The following SPTLC2 variants were observed in gnomAD, a reference collection of about 807,000 sequenced individuals.
The protein encoded by SPTLC2 is serine palmitoyltransferase long chain base subunit 2, also known as serine palmitoyltransferase 2.
Under a neutral mutation model 62.0 loss-of-function variants are expected in SPTLC2, and 21 were observed. The observed-to-expected ratio is 0.34, with a 90% confidence interval of 0.24 to 0.49. The LOEUF (loss-of-function observed/expected upper bound fraction) is 0.49, where lower values mean the gene tolerates loss of function less well. Ranked by LOEUF, SPTLC2 falls within the 20% of genes least tolerant of loss-of-function variation. The pLI is 0.99. For missense variants in SPTLC2, 511 were observed against 713.0 expected, an observed-to-expected ratio of 0.72 and a Z score of 3.23; for synonymous variants, 261 against 261.8, an observed-to-expected ratio of 1.00 and a Z score of 0.03.
Position 77,570,379 on chromosome 14 carries a change from C to G in SPTLC2, c.756+5G>C. ...GGAGTTTTCATAAATGACAGAGTAT[C>G]TTACTTTGCCAACAAGAGCAGGAAT... On this transcript the variant is annotated splice_donor_5th_base_variant and intron_variant, in intron 5 of 11. Transcript: ENST00000216484. 6.2e-7 allele frequency: 1 copy of G among 1,612,686 alleles called. No individual in the cohort carries two copies. The highest frequency in any genetic ancestry group is 8.5e-7 in the Non-Finnish European group (1 of 1,179,914).
At chr14:77,588,527 CA>C (rs35307713) in intron 2 of SPTLC2, among the ~76,000 whole-genome samples, 63,051 of 130,478 alleles carry the variant, frequency 0.48, 13,572 homozygotes, top group Admixed American at 0.53. Context: ...CCTGTCTCTA[CA>C]AAAAAAAAAA....
intron 9 of SPTLC2, among the ~76,000 whole-genome samples, chr14:77,547,028 C>T (rs753857581): frequency 6.6e-6 from 1 of 152,154 alleles, no homozygotes; most frequent in African/African-American, 2.4e-5. Flanking sequence ...CCACACCCAG[C>T]TAATTTTCAT....
intron 2 of SPTLC2, among the ~76,000 whole-genome samples, chr14:77,585,214 T>A (rs1301074762): frequency 6.6e-6 from 1 of 152,242 alleles, no homozygotes; most frequent in South Asian, 2.1e-4. Context: ...CTACCAATAA[T>A]GTGACGATTT....
chr14:77,534,619 GAAGA>G (rs1354722296), intron 9 of SPTLC2, among the ~76,000 whole-genome samples: 1 of 47,968 alleles, frequency 2.1e-5, no homozygotes, highest in Non-Finnish European at 4.6e-5. Context: ...GCTAAACATA[GAAGA>G]AATAGAAATT....
intron 2 of SPTLC2, among the ~76,000 whole-genome samples, chr14:77,589,481 AC>A (rs1347222481): frequency 1.5e-4 from 12 of 80,332 alleles, no homozygotes; most frequent in Non-Finnish European, 2.8e-4. Flanking sequence ...CATATCTTAA[AC>A]TTTTTTTTTT....
chr14:77,567,891 A>T (rs2079654685), intron 5 of SPTLC2, among the ~76,000 whole-genome samples: 2 of 150,088 alleles, frequency 1.3e-5, no homozygotes, highest in East Asian at 2.0e-4. Context: ...CAGGTTGAAT[A>T]TTCCTTATTC....
At chr14:77,544,251 C>T (rs1335251861) in intron 9 of SPTLC2, among the ~76,000 whole-genome samples, 1 of 152,148 alleles carries the variant, frequency 6.6e-6, no homozygotes, top group African/African-American at 2.4e-5. Context: ...CTCAAGTGAT[C>T]CTCCAGCTTC....
intron 9 of SPTLC2, among the ~76,000 whole-genome samples, chr14:77,545,308 C>T (rs2079522224): frequency 6.6e-6 from 1 of 151,578 alleles, no homozygotes; most frequent in Admixed American, 6.6e-5. Context: ...CTCTTGTCTC[C>T]CAGGCTGCAG....
At chr14:77,581,343 T>C (rs751960220) in intron 2 of SPTLC2, among the ~76,000 whole-genome samples, 1 of 150,254 alleles carries the variant, frequency 6.7e-6, no homozygotes. Flanking sequence ...ATAAATCTTA[T>C]AAATAAGGCT....
rs2079331149 is a variant in SPTLC2 at position 77,511,334 on chromosome 14, A to C, written c.*950T>G. 6.6e-6 allele frequency: 1 copy of C among 152,230 alleles called. No individual in the cohort carries two copies. Among genetic ancestry groups the C allele is most frequent in the Non-Finnish European group, 1.5e-5 (1 of 68,046 alleles). 9.4% of individuals were successfully genotyped at this position (152,230 alleles called of 1,614,324 possible). ...CTAGCCAGAGACTGTCATAATTTTCAAACGTAGAAAGCAGTAGGAAATGCA... is the reference window on the plus strand; with the variant it reads ...CTAGCCAGAGACTGTCATAATTTTCCAACGTAGAAAGCAGTAGGAAATGCA... On this transcript the variant is annotated 3_prime_UTR_variant, in exon 12 of 12. Transcript: ENST00000216484.
chr14:77,607,768 G>C (rs1425603093), intron 1 of SPTLC2, among the ~76,000 whole-genome samples: 1 of 152,168 alleles, frequency 6.6e-6, no homozygotes, highest in African/African-American at 2.4e-5. Context: ...GGGTTTCTAG[G>C]AAATGAGGTT....
intron 9 of SPTLC2, among the ~76,000 whole-genome samples, chr14:77,541,528 G>A (rs1554957): frequency 0.23 from 35,016 of 152,070 alleles, 4,817 homozygotes; most frequent in East Asian, 0.56. Flanking sequence ...ATTTAGAAGC[G>A]GGGGGTCCAT....
chr14:77,538,291 A>G (rs2079481220), intron 9 of SPTLC2, among the ~76,000 whole-genome samples: 1 of 152,198 alleles, frequency 6.6e-6, no homozygotes, highest in South Asian at 2.1e-4. Context: ...CAAGATGGCA[A>G]GCAGACACCG....
rs1388294034 is a variant in SPTLC2, at chr14:77,555,280, C to T, written c.1176+20G>A. ...GCCAGTGACTTTATCTCTAATCGCT[C>T]ATTCTCATGGCTCGTTTACCTTCTT... On this transcript the variant is annotated intron_variant, in intron 8 of 11. Transcript: ENST00000216484. 4 of 1,613,714 alleles carry T rather than the reference C, an allele frequency of 2.5e-6. No individual in the cohort carries two copies. In the African/African-American group the frequency reaches 5.3e-5, roughly 22 times the overall value.
At chr14:77,518,222 C>T in intron 10 of SPTLC2, 55 bp from the exon 11 acceptor site, 1 of 1,611,398 alleles carries the variant, frequency 6.2e-7, no homozygotes, top group South Asian at 1.1e-5. Context: ...GCACTCATTA[C>T]AGAGGACCTG....
intron 9 of SPTLC2, among the ~76,000 whole-genome samples, chr14:77,531,905 T>C (rs1457278647): frequency 6.6e-6 from 1 of 152,194 alleles, no homozygotes; most frequent in Non-Finnish European, 1.5e-5. Flanking sequence ...TGTATGAATG[T>C]CAATACTTCA....
chr14:77,544,558 TGTGTGTAAGCAA>T (rs917695445), intron 9 of SPTLC2, among the ~76,000 whole-genome samples: 12 of 152,326 alleles, frequency 7.9e-5, no homozygotes, highest in Non-Finnish European at 1.5e-4. Flanking sequence ...TAAGCTTTCC[TGTGTGTAAGCAA>T]GGTATGAACC....
chr14:77,530,201 T>C (rs1386100866), intron 9 of SPTLC2, among the ~76,000 whole-genome samples: 5 of 151,982 alleles, frequency 3.3e-5, no homozygotes, highest in African/African-American at 1.2e-4. Context: ...ATAGTGTGCA[T>C]AGTAGAAAAT....
chr14:77,599,294 T>A (rs1167766661), intron 1 of SPTLC2, among the ~76,000 whole-genome samples: 1 of 152,224 alleles, frequency 6.6e-6, no homozygotes, highest in East Asian at 1.9e-4. Flanking sequence ...TATCGTCAAT[T>A]AAGCATTACA....
Sources: gnomAD v4.1 joint callset for allele counts (sites outside exome capture counted in the v4.1 genomes callset) on GRCh38, gnomAD v4.1.1 for gene constraint, MANE v1.5 for transcripts, NCBI Gene and HGNC (gene_info 2026-07-23, HGNC 2026-07-21) for gene names.